Variants in BTBD9 observed in about 807,000 individuals in gnomAD.
BTBD9 encodes the protein BTB domain containing 9.
Under a neutral mutation model 64.3 loss-of-function variants are expected in BTBD9, and 49 were observed. That is an observed-to-expected ratio of 0.76 (90% CI 0.61 to 0.97). The LOEUF is 0.97. Among genes scored for constraint, BTBD9 ranks in the 50% least tolerant of loss-of-function variants. BTBD9 has a pLI of 0.00. For synonymous variants in BTBD9, 260 were observed against 274.7 expected (o/e 0.95, Z 0.53); for missense variants, 598 against 762.1 (o/e 0.78, Z 2.53).
At chr6:38,477,623 T>C (rs9470885) in intron 6 of BTBD9, among the ~76,000 whole-genome samples, 69,150 of 152,130 alleles carry the variant, frequency 0.45, 16,623 homozygotes, top group Non-Finnish European at 0.54. Context: ...ACGAGCAGTA[T>C]CTATATTTGC....
chr6:38,332,642 AT>A lies in BTBD9; in HGVS notation c.1264+12341del, dbSNP rs1014362764. 5.0e-4 allele frequency among the ~76,000 whole-genome samples: 76 copies of A among 152,200 alleles called. 2 individuals carry two copies. Among genetic ancestry groups the A allele is most frequent in the East Asian group, 2.3e-3 (12 of 5,182 alleles). Reference sequence around the variant, plus strand: ...AAGGGGATGGGGAGAAGGAAAAGATATTTTTACTTATTTATTCTCTTGGAAA... The same window carrying A: ...AAGGGGATGGGGAGAAGGAAAAGATATTTTACTTATTTATTCTCTTGGAAA... On this transcript the variant is annotated intron_variant, in intron 7 of 10. Coordinates refer to ENST00000481247, the MANE Select transcript of BTBD9 (RefSeq NM_001099272.2).
At chr6:38,548,358 T>G (rs895427409) in intron 6 of BTBD9, among the ~76,000 whole-genome samples, 1 of 152,242 alleles carries the variant, frequency 6.6e-6, no homozygotes, top group African/African-American at 2.4e-5. Context: ...TCGAAGTCTA[T>G]TACGTATGCT....
At chr6:38,340,048 T>C (rs986631206) in intron 7 of BTBD9, among the ~76,000 whole-genome samples, 12 of 152,150 alleles carry the variant, frequency 7.9e-5, no homozygotes, top group African/African-American at 2.4e-4. Flanking sequence ...ATAACCAAGA[T>C]TTTACCTATG....
intron 7 of BTBD9, among the ~76,000 whole-genome samples, chr6:38,305,414 G>T (rs148588016): frequency 7.1e-4 from 108 of 152,270 alleles, no homozygotes; most frequent in African/African-American, 2.6e-3. Flanking sequence ...CATTTTGAGG[G>T]GCAAAAGTGA....
At chr6:38,598,900 A>G (rs1361818165) in intron 1 of BTBD9, among the ~76,000 whole-genome samples, 2 of 152,122 alleles carry the variant, frequency 1.3e-5, no homozygotes, top group East Asian at 3.9e-4. Context: ...CTGGGCCACA[A>G]GAGCGAAACT....
At chr6:38,275,907 A>G (rs1330109829) in intron 8 of BTBD9, among the ~76,000 whole-genome samples, 1 of 151,846 alleles carries the variant, frequency 6.6e-6, no homozygotes, top group East Asian at 1.9e-4. Flanking sequence ...GTGGGACTGT[A>G]AACTAGTTCA....
intron 9 of BTBD9, among the ~76,000 whole-genome samples, chr6:38,208,193 C>T (rs533513553): frequency 2.0e-5 from 3 of 152,250 alleles, no homozygotes; most frequent in East Asian, 1.9e-4. Flanking sequence ...GCAGTGACGG[C>T]GGTGCCCTCT....
intron 8 of BTBD9, among the ~76,000 whole-genome samples, chr6:38,282,502 A>G (rs1285004451): frequency 3.3e-5 from 5 of 152,200 alleles, no homozygotes; most frequent in Admixed American, 2.6e-4. Context: ...TGGTTTCTAA[A>G]GGCATGAGGG....
chr6:38,234,492 T>C (rs951500340), intron 9 of BTBD9, among the ~76,000 whole-genome samples: 2 of 152,252 alleles, frequency 1.3e-5, no homozygotes, highest in Non-Finnish European at 2.9e-5. Context: ...ACAGCATTCA[T>C]GCATGTGGGT....
intron 1 of BTBD9, among the ~76,000 whole-genome samples, chr6:38,613,239 TA>T (rs1399666075): frequency 1.3e-5 from 2 of 152,372 alleles, no homozygotes; most frequent in East Asian, 3.9e-4. Context: ...CTTGCGTTTG[TA>T]ACTCACATTA....
intron 1 of BTBD9, among the ~76,000 whole-genome samples, chr6:38,599,575 G>A (rs558598910): frequency 6.6e-6 from 1 of 152,348 alleles, no homozygotes; most frequent in South Asian, 2.1e-4. Flanking sequence ...CGCCTCTGCT[G>A]CATCAGAGAC....
chr6:38,359,550 C>T (rs1764870650), intron 6 of BTBD9, among the ~76,000 whole-genome samples: 1 of 152,044 alleles, frequency 6.6e-6, no homozygotes, highest in African/African-American at 2.4e-5. Context: ...ACAGTGCATC[C>T]CTCAATAACT....
chr6:38,600,149 G>A (rs1777192731), intron 1 of BTBD9, among the ~76,000 whole-genome samples: 1 of 152,188 alleles, frequency 6.6e-6, no homozygotes, highest in Non-Finnish European at 1.5e-5. Flanking sequence ...TATAGGAGCT[G>A]GAAAACTTTC....
intron 6 of BTBD9, among the ~76,000 whole-genome samples, chr6:38,438,218 G>GGGAGGGAGGGAGGGAGGGAGGAA (rs1768835272): frequency 1.7e-5 from 1 of 57,198 alleles, no homozygotes; most frequent in African/African-American, 8.4e-5. Flanking sequence ...GAGGGAGGGA[G>GGGAGGGAGGGAGGGAGGGAGGAA]GGAGGGAGGG....
intron 6 of BTBD9, among the ~76,000 whole-genome samples, chr6:38,401,967 T>C (rs9470871): frequency 0.058 from 8,767 of 152,282 alleles, 827 homozygotes; most frequent in African/African-American, 0.2. Context: ...TTGGTTCCAA[T>C]ATATTTGAAA....
intron 9 of BTBD9, among the ~76,000 whole-genome samples, chr6:38,255,401 A>G (rs1190822910): frequency 6.6e-6 from 1 of 152,220 alleles, no homozygotes; most frequent in Non-Finnish European, 1.5e-5. Context: ...GTACACTGTA[A>G]AAGTGTAAAT....
chr6:38,230,444 G>T (rs1439832674), intron 9 of BTBD9, among the ~76,000 whole-genome samples: 1 of 139,942 alleles, frequency 7.1e-6, no homozygotes, highest in African/African-American at 2.7e-5. Context: ...GTGGTGAGCC[G>T]AGATCGTGAC....
intron 1 of BTBD9, among the ~76,000 whole-genome samples, chr6:38,632,056 G>C (rs1323557361): frequency 6.6e-6 from 1 of 152,052 alleles, no homozygotes; most frequent in African/African-American, 2.4e-5. Context: ...TGAACCCAGG[G>C]GGCGGAGGTT....
At chr6:38,274,633 A>G (rs1286666804) in intron 8 of BTBD9, among the ~76,000 whole-genome samples, 2 of 152,210 alleles carry the variant, frequency 1.3e-5, no homozygotes, top group Non-Finnish European at 2.9e-5. Flanking sequence ...ATCTATTGAG[A>G]TAATCATGTG....
Sources: gnomAD v4.1 joint callset for allele counts (sites outside exome capture counted in the v4.1 genomes callset) on GRCh38, gnomAD v4.1.1 for gene constraint, MANE v1.5 for transcripts, NCBI Gene and HGNC (gene_info 2026-07-23, HGNC 2026-07-21) for gene names.